Variants in FBXL7 observed in about 807,000 individuals in gnomAD.
FBXL7 encodes the protein F-box and leucine rich repeat protein 7, also known as F-box/LRR-repeat protein 7.
A neutral mutation model predicts 38.3 loss-of-function variants in FBXL7; 12 were observed. The ratio of observed to expected loss-of-function variants is 0.31; its 90% CI spans 0.20 to 0.51. FBXL7 has a LOEUF of 0.51. Among genes scored for constraint, FBXL7 ranks in the 20% least tolerant of loss-of-function variants. The probability of loss-of-function intolerance (pLI) is 0.98; values close to 1 mark genes in which losing one functional copy is unlikely to be tolerated. For synonymous variants in FBXL7, 297 were observed against 300.9 expected, an observed-to-expected ratio of 0.99 and a Z score of 0.13; for missense variants, 567 against 676.4, an observed-to-expected ratio of 0.84 and a Z score of 1.79.
chr5:15,926,377 C>A (rs1460738772), intron 2 of FBXL7, among the ~76,000 whole-genome samples: 1 of 146,452 alleles, frequency 6.8e-6, no homozygotes, highest in Non-Finnish European at 1.5e-5. Context: ...TATATAATAT[C>A]AATGTATATT....
At chr5:15,632,760 A>C (rs2126543135) in intron 2 of FBXL7, among the ~76,000 whole-genome samples, 1 of 152,336 alleles carries the variant, frequency 6.6e-6, no homozygotes, top group Non-Finnish European at 1.5e-5. Context: ...AAGCTAATTA[A>C]CACAGGATCA....
chr5:15,817,299 C>A (rs1350276371), intron 2 of FBXL7, among the ~76,000 whole-genome samples: 1 of 146,682 alleles, frequency 6.8e-6, no homozygotes, highest in Non-Finnish European at 1.5e-5. Context: ...CTTTTGCTAA[C>A]TTTTTTTTTT....
At chr5:15,505,802 T>A (rs1299086977) in intron 1 of FBXL7, among the ~76,000 whole-genome samples, 1 of 152,156 alleles carries the variant, frequency 6.6e-6, no homozygotes, top group Admixed American at 6.5e-5. Context: ...CTACTTTTAA[T>A]CACTGTGATG....
intron 3 of FBXL7, among the ~76,000 whole-genome samples, chr5:15,931,481 T>G (rs916247559): frequency 6.6e-6 from 1 of 152,162 alleles, no homozygotes; most frequent in Non-Finnish European, 1.5e-5. Context: ...TCTGCCTGCC[T>G]GGATGCAGAC....
At chr5:15,901,825 C>T (rs1268323992) in intron 2 of FBXL7, among the ~76,000 whole-genome samples, 2 of 152,060 alleles carry the variant, frequency 1.3e-5, no homozygotes, top group South Asian at 2.1e-4. Context: ...ATATGATTGC[C>T]GTGTCTTGCT....
intron 2 of FBXL7, among the ~76,000 whole-genome samples, chr5:15,618,527 T>C (rs182502214): frequency 5.3e-5 from 8 of 152,312 alleles, no homozygotes; most frequent in African/African-American, 1.7e-4. Context: ...TTTCCTCTTA[T>C]CAGGCTGCTT....
chr5:15,525,915 C>G (rs1737239299), intron 1 of FBXL7, among the ~76,000 whole-genome samples: 1 of 152,164 alleles, frequency 6.6e-6, no homozygotes, highest in Non-Finnish European at 1.5e-5. Flanking sequence ...ATGCCTCCTG[C>G]TGTTATAGAG....
At position 15,864,825 on chromosome 5, in the gene FBXL7, A is replaced by G. The variant is rs535748392; in HGVS notation, c.128-63065A>G. 1.7e-3 allele frequency among the ~76,000 whole-genome samples: 255 copies of G among 152,364 alleles called. 2 individuals carry two copies. Among genetic ancestry groups the G allele is most frequent in the African/African-American group, 6.0e-3 (251 of 41,590 alleles). ...GAAATCCATCTTAAGAAAATATTAA[A>G]GAAATATTATTATATCTAAGGCCTT... On this transcript the variant is annotated intron_variant, in intron 2 of 3. Coordinates refer to ENST00000504595, the MANE Select transcript of FBXL7 (RefSeq NM_012304.5).
chr5:15,533,479 A>G (rs1416044736), intron 1 of FBXL7, among the ~76,000 whole-genome samples: 2 of 152,190 alleles, frequency 1.3e-5, no homozygotes, highest in Non-Finnish European at 2.9e-5. Flanking sequence ...AGATACAGAA[A>G]TGGGTAAAGG....
intron 1 of FBXL7, among the ~76,000 whole-genome samples, chr5:15,578,900 T>A (rs115618882): frequency 0.014 from 2,090 of 152,306 alleles, 44 homozygotes; most frequent in African/African-American, 0.046. Context: ...ACATGGAACA[T>A]TTTGATGAAA....
At chr5:15,819,171 G>T (rs2126762197) in intron 2 of FBXL7, among the ~76,000 whole-genome samples, 1 of 152,270 alleles carries the variant, frequency 6.6e-6, no homozygotes, top group Admixed American at 6.5e-5. Flanking sequence ...CATCAGCTCT[G>T]CCTTGTAGCA....
At chr5:15,925,801 A>G (rs962658762) in intron 2 of FBXL7, among the ~76,000 whole-genome samples, 1 of 152,260 alleles carries the variant, frequency 6.6e-6, no homozygotes, top group Non-Finnish European at 1.5e-5. Flanking sequence ...CTATACAGAT[A>G]GTTCCTGATT....
At chr5:15,708,742 A>G (rs891899954) in intron 2 of FBXL7, among the ~76,000 whole-genome samples, 1 of 152,308 alleles carries the variant, frequency 6.6e-6, no homozygotes, top group East Asian at 1.9e-4. Context: ...ATTTGCTTGA[A>G]TGATCCAAGT....
intron 2 of FBXL7, among the ~76,000 whole-genome samples, chr5:15,807,493 A>G (rs980802789): frequency 7.9e-5 from 12 of 152,180 alleles, no homozygotes; most frequent in Admixed American, 2.6e-4. Context: ...GGCTGGAGAG[A>G]TCATGCAGGG....
At chr5:15,719,265 A>G (rs939599012) in intron 2 of FBXL7, among the ~76,000 whole-genome samples, 2 of 152,140 alleles carry the variant, frequency 1.3e-5, no homozygotes, top group Admixed American at 1.3e-4. Context: ...AAGATTAAGT[A>G]ATTATTCTCT....
chr5:15,759,911 C>T (rs972467949), intron 2 of FBXL7, among the ~76,000 whole-genome samples: 1 of 152,164 alleles, frequency 6.6e-6, no homozygotes, highest in African/African-American at 2.4e-5. Flanking sequence ...GTACCTCCTA[C>T]ACCTTTCACC....
intron 2 of FBXL7, among the ~76,000 whole-genome samples, chr5:15,634,513 G>T (rs575237064): frequency 1.3e-4 from 19 of 149,466 alleles, no homozygotes; most frequent in African/African-American, 2.7e-4. Context: ...GTTGGGGGGG[G>T]GGTTTACCCT....
At chr5:15,794,434 C>A (rs1006203510) in intron 2 of FBXL7, among the ~76,000 whole-genome samples, 2 of 151,788 alleles carry the variant, frequency 1.3e-5, no homozygotes, top group African/African-American at 4.8e-5. Flanking sequence ...TTAAGGCCAT[C>A]AGCATTTTAT....
chr5:15,620,220 T>G (rs1039437262), intron 2 of FBXL7, among the ~76,000 whole-genome samples: 16 of 149,088 alleles, frequency 1.1e-4, no homozygotes, highest in African/African-American at 4.0e-4. Flanking sequence ...TCACAAACTA[T>G]TCTTTTTTTC....
Sources: gnomAD v4.1 joint callset for allele counts (sites outside exome capture counted in the v4.1 genomes callset) on GRCh38, gnomAD v4.1.1 for gene constraint, MANE v1.5 for transcripts, NCBI Gene and HGNC (gene_info 2026-07-23, HGNC 2026-07-21) for gene names.